Variants in RAP1A observed in about 807,000 individuals in gnomAD.
The protein encoded by RAP1A is ras-related protein Rap-1A.
Under a neutral mutation model 26.4 loss-of-function variants are expected in RAP1A, and 6 were observed. The observed-to-expected ratio is 0.23, with a 90% confidence interval of 0.12 to 0.45. The LOEUF is 0.45. Among genes scored for constraint, RAP1A ranks in the 20% least tolerant of loss-of-function variants. The pLI, the probability that RAP1A is intolerant of heterozygous loss-of-function variation, is 0.99. For missense variants in RAP1A, 121 were observed against 217.2 expected (o/e 0.56, Z 2.78); for synonymous variants, 73 against 79.4 (o/e 0.92, Z 0.43).
chr1:111,621,493 C>T (rs781679318), intron 1 of RAP1A, among the ~76,000 whole-genome samples: 1 of 152,076 alleles, frequency 6.6e-6, no homozygotes, highest in Non-Finnish European at 1.5e-5. Context: ...TTATGGCCTA[C>T]TTCAGATACG....
intron 1 of RAP1A, among the ~76,000 whole-genome samples, chr1:111,636,105 A>G (rs12565119): frequency 0.31 from 47,511 of 151,984 alleles, 7,838 homozygotes; most frequent in East Asian, 0.47. Context: ...AATCTGGTAT[A>G]GGCAAAATTT....
At chr1:111,565,154 A>G (rs900634395) in intron 1 of RAP1A, among the ~76,000 whole-genome samples, 3 of 152,136 alleles carry the variant, frequency 2.0e-5, no homozygotes, top group Admixed American at 2.0e-4. Flanking sequence ...CTTCACTCAT[A>G]CTTAGGTTAT....
intron 1 of RAP1A, among the ~76,000 whole-genome samples, chr1:111,563,232 C>A (rs963339321): frequency 6.6e-6 from 1 of 152,068 alleles, no homozygotes; most frequent in Non-Finnish European, 1.5e-5. Context: ...CCATGATTAG[C>A]ACCACTGTAC....
At chr1:111,559,425 A>T (rs1358324953) in intron 1 of RAP1A, among the ~76,000 whole-genome samples, 1 of 152,190 alleles carries the variant, frequency 6.6e-6, no homozygotes, top group East Asian at 1.9e-4. Flanking sequence ...TAGTGCCTCC[A>T]AAACCAAATA....
At chr1:111,634,038 G>A (rs1366977719) in intron 1 of RAP1A, among the ~76,000 whole-genome samples, 1 of 152,136 alleles carries the variant, frequency 6.6e-6, no homozygotes, top group African/African-American at 2.4e-5. Flanking sequence ...TGAGCCTGTA[G>A]TCAATTTTGA....
At chr1:111,655,106 A>G (rs978898928) in intron 1 of RAP1A, among the ~76,000 whole-genome samples, 12 of 152,106 alleles carry the variant, frequency 7.9e-5, no homozygotes, top group African/African-American at 2.2e-4. Flanking sequence ...CTCACAACAG[A>G]ACTTCCATTC....
At chr1:111,703,814 C>T (rs916289318) in intron 5 of RAP1A, among the ~76,000 whole-genome samples, 1 of 152,198 alleles carries the variant, frequency 6.6e-6, no homozygotes, top group Admixed American at 6.5e-5. Flanking sequence ...GTTCAAAGAA[C>T]ATTATTAAGA....
intron 1 of RAP1A, among the ~76,000 whole-genome samples, chr1:111,581,648 C>T (rs544077483): frequency 6.6e-6 from 1 of 152,228 alleles, no homozygotes; most frequent in East Asian, 1.9e-4. Context: ...AAATAGATTC[C>T]ATCCTGTTTC....
chr1:111,580,356 C>A (rs994021652), intron 1 of RAP1A, among the ~76,000 whole-genome samples: 8 of 152,124 alleles, frequency 5.3e-5, no homozygotes, highest in Admixed American at 1.3e-4. Flanking sequence ...GGAGGAGAAG[C>A]AACTTTGGGA....
intron 1 of RAP1A, 130 bp from the exon 2 acceptor site, chr1:111,691,204 A>AGCATG: frequency 2.2e-6 from 1 of 462,692 alleles, no homozygotes; most frequent in Non-Finnish European, 3.8e-6. Flanking sequence ...TTTGCCATGT[A>AGCATG]GCTTCTGTTG....
chr1:111,641,545 G>A (rs1659891013), intron 1 of RAP1A, among the ~76,000 whole-genome samples: 1 of 152,080 alleles, frequency 6.6e-6, no homozygotes, highest in South Asian at 2.1e-4. Context: ...CAGCTTCAGA[G>A]TTCAAATATG....
chr1:111,618,027 G>A (rs1236031640), upstream of RAP1A, among the ~76,000 whole-genome samples: 3 of 133,042 alleles, frequency 2.3e-5, no homozygotes, highest in African/African-American at 8.7e-5. Context: ...TAGCAACAGA[G>A]CAAGACTCCG....
chr1:111,684,025 AT>A lies in RAP1A; in HGVS notation c.-27-7308del, dbSNP rs1403233039. On this transcript the variant is annotated intron_variant, in intron 1 of 7. Coordinates refer to ENST00000369709, the MANE Select transcript of RAP1A (RefSeq NM_002884.4). The stretch of plus-strand genomic sequence containing the variant: ...GTTCAACATATGCAAATCAATAAAT[AT>A]AATCCATCACATAAACAGAACCAAT... Among the ~76,000 whole-genome samples the A allele has an allele frequency of 3.3e-5, 5 of 152,214 alleles. No homozygotes were observed. The East Asian group carries it at 9.6e-4, about 29-fold the overall frequency.
intron 1 of RAP1A, among the ~76,000 whole-genome samples, chr1:111,581,271 G>C (rs557489378): frequency 1.3e-5 from 2 of 152,206 alleles, no homozygotes; most frequent in East Asian, 1.9e-4. Context: ...TGATAGAAAG[G>C]AGCCAATAGT....
intron 1 of RAP1A, among the ~76,000 whole-genome samples, chr1:111,624,905 A>G (rs1391562603): frequency 6.6e-6 from 1 of 152,190 alleles, no homozygotes; most frequent in Non-Finnish European, 1.5e-5. Context: ...CTTAGGCTAT[A>G]TAAATTTAGG....
chr1:111,549,136 T>C (rs747013732), intron 1 of RAP1A, among the ~76,000 whole-genome samples: 1 of 152,202 alleles, frequency 6.6e-6, no homozygotes, highest in African/African-American at 2.4e-5. Context: ...GGTCTGTTAT[T>C]TTCTTTTCCC....
chr1:111,639,382 A>G (rs893916422), intron 1 of RAP1A, among the ~76,000 whole-genome samples: 4 of 152,092 alleles, frequency 2.6e-5, no homozygotes, highest in African/African-American at 9.7e-5. Flanking sequence ...TCTTTATGAG[A>G]AAACAGTAAA....
At chr1:111,569,762 T>C (rs1173180316) in intron 1 of RAP1A, among the ~76,000 whole-genome samples, 1 of 152,054 alleles carries the variant, frequency 6.6e-6, no homozygotes, top group African/African-American at 2.4e-5. Context: ...AGTCTTCAGA[T>C]AGTGTTTGGT....
intron 1 of RAP1A, among the ~76,000 whole-genome samples, chr1:111,545,244 A>G (rs1656993433): frequency 6.6e-6 from 1 of 152,104 alleles, no homozygotes; most frequent in South Asian, 2.1e-4. Flanking sequence ...CCCACCGGCA[A>G]TGTATGAGGA....
Sources: allele counts gnomAD v4.1 joint callset (sites outside exome capture counted in the v4.1 genomes callset), GRCh38; gene constraint gnomAD v4.1.1; transcripts MANE v1.5; gene names NCBI Gene and HGNC (gene_info 2026-07-23, HGNC 2026-07-21).